Variants in ASF1A observed in about 807,000 individuals in gnomAD.
ASF1A encodes anti-silencing function 1A histone chaperone, also known as histone chaperone ASF1A.
Under a neutral mutation model 22.0 loss-of-function variants are expected in ASF1A, and 5 were observed. The observed-to-expected ratio is 0.23, with a 90% CI of 0.12 to 0.48. The LOEUF (loss-of-function observed/expected upper bound fraction) is 0.48. ASF1A is among the 20% of genes least tolerant of loss of function. The pLI, the probability that ASF1A is intolerant of heterozygous loss-of-function variation, is 0.99. For synonymous variants in ASF1A, 97 were observed against 86.7 expected (o/e 1.12, Z -0.66); for missense variants, 137 against 240.6 (o/e 0.57, Z 2.85).
At chr6:118,904,696 T>C (rs1583615107) in intron 2 of ASF1A, among the ~76,000 whole-genome samples, 2 of 152,376 alleles carry the variant, frequency 1.3e-5, no homozygotes, top group South Asian at 4.1e-4. Context: ...CCTAAAGCAA[T>C]CCTTACCTTC....
At chr6:118,896,395 T>G (rs188069281) in intron 1 of ASF1A, among the ~76,000 whole-genome samples, 1 of 151,816 alleles carries the variant, frequency 6.6e-6, no homozygotes, top group Admixed American at 6.6e-5. Context: ...ATTTCTCAAG[T>G]GTTGCCTTCC....
intron 2 of ASF1A, among the ~76,000 whole-genome samples, chr6:118,903,946 G>C (rs1404121141): frequency 6.6e-6 from 1 of 152,172 alleles, no homozygotes; most frequent in African/African-American, 2.4e-5. Flanking sequence ...CTAGAACAAT[G>C]GTGGAGTTAA....
chr6:118,897,943 T>C (rs1779545060), intron 1 of ASF1A, among the ~76,000 whole-genome samples: 1 of 152,218 alleles, frequency 6.6e-6, no homozygotes, highest in Non-Finnish European at 1.5e-5. Context: ...AAGTGTTCCC[T>C]GAGTTGCAGC....
In ASF1A at chr6:118,900,787, A is replaced by G; in HGVS notation, c.131A>G (p.Tyr44Cys). The change falls in exon 2 of 4, where the codon TAT becomes TGT. Residue 44 changes from tyrosine (Y) to cysteine (C), a missense_variant. Physicochemically the swap from Tyr to Cys is radical, Grantham distance 194. Coordinates refer to ENST00000229595, the MANE Select transcript of ASF1A (RefSeq NM_014034.3). ...LSEDLEWKII[Y>C]VGSAESEEYD... ...CTAGACTTGGAATGGAAAATTATCT[A>G]TGTGGGCTCTGCAGAAAGTGAAGAA... 1 of 1,613,378 alleles carries G rather than the reference A, an allele frequency of 6.2e-7. No homozygotes were observed. Among genetic ancestry groups the G allele is most frequent in the Non-Finnish European group, 8.5e-7 (1 of 1,179,354 alleles).
At position 118,900,770 on chromosome 6, in the gene ASF1A, G is replaced by A; in HGVS notation, c.114G>A (p.Leu38=). 1 of 1,609,088 alleles carries A rather than the reference G, an allele frequency of 6.2e-7. No homozygotes were observed. Among genetic ancestry groups the A allele is most frequent in the Non-Finnish European group, 8.5e-7 (1 of 1,175,528 alleles). The change falls in exon 2 of 4, where the codon TTG becomes TTA. Residue 38 remains leucine, a synonymous_variant. Transcript: ENST00000229595. The part of the protein sequence containing the change: ...FECIEDLSED[L]EWKIIYVGSA... ...GCTTTGGTTTTTTAACCCTAGACTT[G>A]GAATGGAAAATTATCTATGTGGGCT... is the stretch of plus-strand genomic sequence containing the variant.
rs1039706369 is a variant in ASF1A at position 118,908,480 on chromosome 6, T to C, written c.*866T>C. 3.3e-5 allele frequency: 5 copies of C among 152,286 alleles called. No individual in the cohort carries two copies. The highest frequency in any genetic ancestry group is 2.1e-4 in the South Asian group (1 of 4,830). The allele number at this position is 152,286 out of a possible 1,614,324, so 9.4% of individuals were successfully genotyped here. A position where few individuals can be genotyped will look rare whatever the true frequency, so the allele number is the denominator to read the frequency against. ...TTAATAGATCATGTTATTGGCAGTATTTATATAAAAACCATGGATTTAGAA... is the reference window on the plus strand; with the variant it reads ...TTAATAGATCATGTTATTGGCAGTACTTATATAAAAACCATGGATTTAGAA... On this transcript the variant is annotated 3_prime_UTR_variant, in exon 4 of 4. Transcript: ENST00000229595.
At chr6:118,900,737 G>A (rs1583599551) in intron 1 of ASF1A, 29 bp from the exon 2 acceptor site, 4 of 1,444,116 alleles carry the variant, frequency 2.8e-6, no homozygotes, top group Non-Finnish European at 3.9e-6. Context: ...TACTGAATAT[G>A]AAATAATGCT....
At position 118,908,559 on chromosome 6, in the gene ASF1A, ATTTTCACACCTG is replaced by A. The variant is rs1245071736; in HGVS notation, c.*947_*958del. On this transcript the variant is annotated 3_prime_UTR_variant, in exon 4 of 4. Transcript: ENST00000229595. ...ACGTTACTATTTTGGAAATATATAT[ATTTTCACACCTG>A]TAGTACTCTTCCCCATTTCCTCTGA... 3.9e-5 allele frequency: 6 copies of A among 152,210 alleles called. No individual in the cohort carries two copies. In the East Asian group the frequency reaches 1.2e-3, roughly 29 times the overall value. The allele number at this position is 152,210 out of a possible 1,614,324, so 9.4% of individuals were successfully genotyped here.
chr6:118,907,959 G>C lies in ASF1A; in HGVS notation c.*345G>C, dbSNP rs1185248309. ...TGTCTTGGCCTCCCAGACAGTCTTTGGACCACTATTTTACTGGCCTTTGAA... is the reference window on the plus strand; with the variant it reads ...TGTCTTGGCCTCCCAGACAGTCTTTCGACCACTATTTTACTGGCCTTTGAA... On this transcript the variant is annotated 3_prime_UTR_variant, in exon 4 of 4. Transcript: ENST00000229595. 4 of 173,338 alleles carry C rather than the reference G, an allele frequency of 2.3e-5. No individual in the cohort carries two copies. The South Asian group carries it at 6.4e-4, about 28-fold the overall frequency. 10.7% of individuals were successfully genotyped at this position (173,338 alleles called of 1,614,324 possible). A position where few individuals can be genotyped will look rare whatever the true frequency, so the allele number is the denominator to read the frequency against.
In ASF1A at chr6:118,908,972, CAA is replaced by C. The variant is rs1360700023; in HGVS notation, c.*1360_*1361del. 1.3e-5 allele frequency: 2 copies of C among 152,522 alleles called. No individual in the cohort carries two copies. The highest frequency in any genetic ancestry group is 4.8e-5 in the African/African-American group (2 of 41,414). 9.4% of individuals were successfully genotyped at this position (152,522 alleles called of 1,614,324 possible). ...ATTCTAAAAAAGTGAATTTGTGAAG[CAA>C]AGTTTTGCCAGATGTTAAACTTTGA... On this transcript the variant is annotated 3_prime_UTR_variant, in exon 4 of 4. Coordinates refer to ENST00000229595, the MANE Select transcript of ASF1A (RefSeq NM_014034.3).
intron 3 of ASF1A, among the ~76,000 whole-genome samples, 193 bp downstream of exon 3, chr6:118,906,021 T>C (rs1224128276): frequency 6.6e-6 from 1 of 152,186 alleles, no homozygotes; most frequent in East Asian, 1.9e-4. Flanking sequence ...GATGAGTCAT[T>C]AGTAATTAAT....
At chr6:118,899,500 C>A (rs926660774) in intron 1 of ASF1A, among the ~76,000 whole-genome samples, 6 of 152,160 alleles carry the variant, frequency 3.9e-5, no homozygotes, top group Non-Finnish European at 5.9e-5. Context: ...TCCTCTCTAT[C>A]TCCATCAACA....
intron 3 of ASF1A, among the ~76,000 whole-genome samples, chr6:118,907,093 A>G (rs989987674): frequency 1.3e-5 from 2 of 152,170 alleles, no homozygotes; most frequent in Non-Finnish European, 2.9e-5. Flanking sequence ...TGAAGCATTC[A>G]TTTTCAAAAA....
chr6:118,894,980 A>T (rs903819862), intron 1 of ASF1A, among the ~76,000 whole-genome samples: 2 of 152,008 alleles, frequency 1.3e-5, no homozygotes, highest in Non-Finnish European at 2.9e-5. Context: ...GAATTGGGCC[A>T]GCGACCCCGG....
chr6:118,902,618 A>G (rs932960095), intron 2 of ASF1A, among the ~76,000 whole-genome samples: 8 of 135,198 alleles, frequency 5.9e-5, no homozygotes, highest in Non-Finnish European at 1.3e-4. Flanking sequence ...TGTGTTTGTT[A>G]TTAAGCATAC....
intron 1 of ASF1A, among the ~76,000 whole-genome samples, chr6:118,895,487 A>G (rs1311579813): frequency 6.6e-6 from 1 of 152,228 alleles, no homozygotes; most frequent in Non-Finnish European, 1.5e-5. Flanking sequence ...GTTGAAATCT[A>G]AAATAACTCC....
At chr6:118,904,779 T>A (rs1488606935) in intron 2 of ASF1A, among the ~76,000 whole-genome samples, 1 of 152,246 alleles carries the variant, frequency 6.6e-6, no homozygotes, top group African/African-American at 2.4e-5. Context: ...CTATTCATAA[T>A]AGAGGATTAT....
chr6:118,900,085 A>G (rs777058038), intron 1 of ASF1A, among the ~76,000 whole-genome samples: 19 of 152,200 alleles, frequency 1.2e-4, no homozygotes, highest in Admixed American at 7.2e-4. Context: ...CCTCCTGCCT[A>G]TCTCCACTGT....
chr6:118,905,947 T>G, intron 3 of ASF1A, 119 bp downstream of exon 3: 1 of 688,614 alleles, frequency 1.5e-6, no homozygotes, highest in Non-Finnish European at 2.3e-6. Flanking sequence ...TATGAGGTCC[T>G]TATGCCAACT....
Sources: allele counts gnomAD v4.1 joint callset (sites outside exome capture counted in the v4.1 genomes callset), GRCh38; gene constraint gnomAD v4.1.1; transcripts MANE v1.5; gene names NCBI Gene and HGNC (gene_info 2026-07-23, HGNC 2026-07-21).